Variants in DNAJC1 observed in about 807,000 individuals in gnomAD.
DNAJC1 encodes the protein DnaJ heat shock protein family (Hsp40) member C1, also known as dnaJ homolog subfamily C member 1.
Under a neutral mutation model 76.6 loss-of-function variants are expected in DNAJC1, and 58 were observed. That is an observed-to-expected ratio of 0.76 (90% CI 0.61 to 0.94). DNAJC1 has a LOEUF of 0.94. Ranked by LOEUF, DNAJC1 falls within the 40% of genes least tolerant of loss-of-function variation. DNAJC1 has a pLI of 0.00. For synonymous variants in DNAJC1, 258 were observed against 267.9 expected (o/e 0.96, Z 0.36); for missense variants, 689 against 677.3 (o/e 1.02, Z -0.19).
intron 1 of DNAJC1, among the ~76,000 whole-genome samples, chr10:21,990,469 A>T (rs1400538818): frequency 2.0e-5 from 3 of 152,192 alleles, no homozygotes; most frequent in African/African-American, 2.4e-5. Context: ...TATTTAGAAG[A>T]AGTATATGTT....
intron 9 of DNAJC1, among the ~76,000 whole-genome samples, chr10:21,772,605 A>C (rs1227881285): frequency 3.3e-5 from 5 of 152,032 alleles, no homozygotes; most frequent in African/African-American, 1.2e-4. Flanking sequence ...GACCCTAGAA[A>C]TTTGAGTCCT....
intron 8 of DNAJC1, among the ~76,000 whole-genome samples, chr10:21,814,734 C>T (rs368323023): frequency 3.9e-5 from 6 of 152,098 alleles, no homozygotes; most frequent in African/African-American, 9.7e-5. Flanking sequence ...AAACCAAGGA[C>T]GACGACTTGA....
Position 21,990,626 on chromosome 10 carries a change from G to C in DNAJC1, c.222+12587C>G, listed in dbSNP as rs1254729142. On this transcript the variant is annotated intron_variant, in intron 1 of 11. Transcript: ENST00000376980. ...CCTATGGTTAGACACCATCAAACAG[G>C]CTAGAAGACCATCTGCTGGGAGTGC... Among the ~76,000 whole-genome samples the C allele has an allele frequency of 3.9e-5, 6 of 152,248 alleles. No homozygotes were observed. In the East Asian group the frequency reaches 5.8e-4, roughly 15 times the overall value.
intron 8 of DNAJC1, among the ~76,000 whole-genome samples, chr10:21,881,607 A>G (rs187031120): frequency 4.6e-4 from 70 of 152,202 alleles, no homozygotes; most frequent in Admixed American, 6.5e-4. Context: ...CATAATATTT[A>G]CCAATTAAGT....
At chr10:21,945,148 G>A (rs1270228225) in intron 1 of DNAJC1, among the ~76,000 whole-genome samples, 2 of 152,116 alleles carry the variant, frequency 1.3e-5, no homozygotes, top group Admixed American at 6.5e-5. Flanking sequence ...ATATATGAAG[G>A]CTTAAATGAG....
chr10:21,900,779 T>C (rs1055889593), intron 7 of DNAJC1, among the ~76,000 whole-genome samples: 2 of 152,224 alleles, frequency 1.3e-5, no homozygotes, highest in African/African-American at 4.8e-5. Flanking sequence ...ATCAGTTACA[T>C]GCCTCCGCAT....
intron 6 of DNAJC1, among the ~76,000 whole-genome samples, chr10:21,911,745 G>A (rs370058662): frequency 6.6e-6 from 1 of 152,182 alleles, no homozygotes; most frequent in South Asian, 2.1e-4. Context: ...TCCATTTTAT[G>A]ATGGTGAGAT....
At chr10:21,931,114 AC>A (rs1302425544) in intron 1 of DNAJC1, among the ~76,000 whole-genome samples, 1 of 151,988 alleles carries the variant, frequency 6.6e-6, no homozygotes, top group Non-Finnish European at 1.5e-5. Flanking sequence ...CGGCTCTCCT[AC>A]TCTAAACCCT....
intron 1 of DNAJC1, among the ~76,000 whole-genome samples, chr10:21,959,812 A>AAG (rs1251439950): frequency 6.6e-6 from 1 of 151,436 alleles, no homozygotes; most frequent in Non-Finnish European, 1.5e-5. Context: ...AAAAAAAAAA[A>AAG]AAGAAGAGAG....
chr10:21,935,768 C>T (rs1028065088), intron 1 of DNAJC1, among the ~76,000 whole-genome samples: 17 of 151,916 alleles, frequency 1.1e-4, no homozygotes, highest in African/African-American at 3.4e-4. Context: ...ATAAAGTTAA[C>T]AGCTAATTTC....
At chr10:21,852,849 A>C (rs981691734) in intron 8 of DNAJC1, among the ~76,000 whole-genome samples, 41 of 152,178 alleles carry the variant, frequency 2.7e-4, no homozygotes, top group African/African-American at 8.9e-4. Context: ...ACAAATGATT[A>C]TAATATGCTT....
intron 1 of DNAJC1, among the ~76,000 whole-genome samples, chr10:21,993,455 G>A (rs1838360316): frequency 6.6e-6 from 1 of 152,192 alleles, no homozygotes; most frequent in South Asian, 2.1e-4. Flanking sequence ...GGTCTTAAAA[G>A]GCCCTGCAAA....
Position 21,904,569 on chromosome 10 carries a change from T to A in DNAJC1, c.773A>T (p.Lys258Met). 1 of 1,608,052 alleles carries A rather than the reference T, an allele frequency of 6.2e-7. No homozygotes were observed. The highest frequency in any genetic ancestry group is 1.1e-5 in the South Asian group (1 of 89,460). The change falls in exon 7 of 12, where the codon AAG becomes ATG. Residue 258 changes from lysine to methionine, a missense_variant. Physicochemically the swap from Lys to Met is moderately conservative, Grantham distance 95. Transcript: ENST00000376980. Reference sequence around the variant, plus strand: ...TCTAGTCAGTGCATCTTCCTTTTCCTTCAATCTTGTTTCTTTATATTTAGC... The same window carrying A: ...TCTAGTCAGTGCATCTTCCTTTTCCATCAATCTTGTTTCTTTATATTTAGC... ...FYAKYKETRLKEKEDALTRTE... is the reference protein window; with the variant it reads ...FYAKYKETRLMEKEDALTRTE...
intron 8 of DNAJC1, among the ~76,000 whole-genome samples, chr10:21,842,940 G>T (rs1034740202): frequency 6.6e-6 from 1 of 152,146 alleles, no homozygotes; most frequent in Admixed American, 6.5e-5. Flanking sequence ...CCTGTGCTTA[G>T]TTCAGTACCT....
chr10:21,904,295 A>G (rs1009817770), intron 7 of DNAJC1, among the ~76,000 whole-genome samples: 1 of 152,142 alleles, frequency 6.6e-6, no homozygotes, highest in Non-Finnish European at 1.5e-5. Context: ...ACATGACTCA[A>G]GCTGATTTTA....
chr10:21,856,687 G>C (rs938296338), intron 8 of DNAJC1, among the ~76,000 whole-genome samples: 4 of 151,874 alleles, frequency 2.6e-5, no homozygotes, highest in Admixed American at 6.6e-5. Context: ...TACACTGCAA[G>C]ATAGTTGGAA....
chr10:21,855,346 T>TAAG lies in DNAJC1; in HGVS notation c.978+26935_978+26936insCTT, dbSNP rs577422735. 1.1e-4 allele frequency among the ~76,000 whole-genome samples: 16 copies of TAAG among 152,276 alleles called. No individual in the cohort carries two copies. In the South Asian group the frequency reaches 3.3e-3, roughly 32 times the overall value. ...TTTCTTTCATCCATTCTGCAACAGT[T>TAAG]AGAGACAAGGTTTAGAGAAAGTTAT... On this transcript the variant is annotated intron_variant, in intron 8 of 11. Transcript: ENST00000376980.
At chr10:21,922,919 C>A (rs188152573) in intron 3 of DNAJC1, among the ~76,000 whole-genome samples, 1 of 152,062 alleles carries the variant, frequency 6.6e-6, no homozygotes, top group Admixed American at 6.5e-5. Context: ...CCTAATAGCA[C>A]TCTTAAGTAT....
intron 8 of DNAJC1, among the ~76,000 whole-genome samples, chr10:21,869,697 T>C (rs567229083): frequency 6.6e-6 from 1 of 152,246 alleles, no homozygotes; most frequent in African/African-American, 2.4e-5. Flanking sequence ...GAGTGACATT[T>C]TTGTGGCAAT....
Sources: gnomAD v4.1 joint callset for allele counts (sites outside exome capture counted in the v4.1 genomes callset) on GRCh38, gnomAD v4.1.1 for gene constraint, MANE v1.5 for transcripts, NCBI Gene and HGNC (gene_info 2026-07-23, HGNC 2026-07-21) for gene names.